Variants in PPP1R9B observed in about 807,000 individuals in gnomAD.
PPP1R9B encodes neurabin-2.
Under a neutral mutation model 75.8 loss-of-function variants are expected in PPP1R9B, and 17 were observed. That is an observed-to-expected ratio of 0.22 (90% CI 0.15 to 0.34). The LOEUF (loss-of-function observed/expected upper bound fraction) is 0.34. Ranked by LOEUF, PPP1R9B falls within the 10% of genes least tolerant of loss-of-function variation. The probability of loss-of-function intolerance (pLI) is 1.00; values close to 1 mark genes in which losing one functional copy is unlikely to be tolerated. For missense variants in PPP1R9B, 875 were observed against 1,196.0 expected (o/e 0.73, Z 3.96); for synonymous variants, 509 against 535.4 (o/e 0.95, Z 0.68).
rs935177873 is a variant in PPP1R9B at position 50,133,758 on chromosome 17, G to A, written c.*1573C>T. On this transcript the variant is annotated 3_prime_UTR_variant, in exon 10 of 10. Coordinates refer to ENST00000612501, the MANE Select transcript of PPP1R9B (RefSeq NM_032595.5). ...AGGCTCTGGGGGCTGCTTTTATGGG[G>A]ACGACCTGACAGAGGGCATGGTCCG... 1 of 152,270 alleles carries A rather than the reference G, an allele frequency of 6.6e-6. No homozygotes were observed. Among genetic ancestry groups the A allele is most frequent in the Non-Finnish European group, 1.5e-5 (1 of 68,110 alleles). The allele number at this position is 152,270 out of a possible 1,614,324, so 9.4% of individuals were successfully genotyped here.
chr17:50,144,238 G>C (rs760092113), intron 2 of PPP1R9B, among the ~76,000 whole-genome samples: 51 of 152,128 alleles, frequency 3.4e-4, no homozygotes, highest in Admixed American at 7.8e-4. Flanking sequence ...CCTCATGGGG[G>C]ATGGTACCAC....
intron 2 of PPP1R9B, 33 bp downstream of exon 2, chr17:50,145,080 G>A (rs771891256): frequency 6.2e-7 from 1 of 1,611,020 alleles, no homozygotes. Flanking sequence ...AACCCCAGCT[G>A]TGCGCAAGTG....
chr17:50,142,067 A>G lies in PPP1R9B; in HGVS notation c.1626-694T>C, dbSNP rs1372409896. Among the ~76,000 whole-genome samples, 1 of 152,038 alleles carries G rather than the reference A, an allele frequency of 6.6e-6. No individual in the cohort carries two copies. Among genetic ancestry groups the G allele is most frequent in the Admixed American group, 6.6e-5 (1 of 15,254 alleles). ...ACAGATGTCCTCCCAAGTCCCCAAG[A>G]CCGAATGGCACTCTCTCGAGTTCAC... is the stretch of plus-strand genomic sequence containing the variant. On this transcript the variant is annotated intron_variant, in intron 3 of 9. Transcript: ENST00000612501. The surrounding 1 kb of genome is among the most constrained non-coding windows in gnomAD (Gnocchi z 4.1).
rs1912302181 is a variant in PPP1R9B at position 50,139,073 on chromosome 17, G to C, written c.2073+190C>G. Among the ~76,000 whole-genome samples the C allele has an allele frequency of 6.6e-6, 1 of 152,244 alleles. No individual in the cohort carries two copies. The highest frequency in any genetic ancestry group is 2.4e-5 in the African/African-American group (1 of 41,466). On this transcript the variant is annotated intron_variant, in intron 7 of 9. Coordinates refer to ENST00000612501, the MANE Select transcript of PPP1R9B (RefSeq NM_032595.5). This position sits in a 1 kb window ranked among gnomAD's most constrained non-coding sequence, Gnocchi z 5.0. ...GAGGCTGAGGCACAGAGAAGCAAGTGATGCTGGAGCAGATGGATCCAGAGC... is the reference window on the plus strand; with the variant it reads ...GAGGCTGAGGCACAGAGAAGCAAGTCATGCTGGAGCAGATGGATCCAGAGC...
At position 50,135,379 on chromosome 17, in the gene PPP1R9B, T is replaced by G; in HGVS notation, c.2406A>C (p.Ser802=). The G allele has an allele frequency of 1.2e-6, 2 of 1,613,470 alleles. No homozygotes were observed. The highest frequency in any genetic ancestry group is 1.1e-5 in the South Asian group (1 of 91,080). ...GTGTTTGCAAGTTTCCTTCCAGTTC[T>G]GAGATCTGGAAAACAAAGGAGGGTA... The part of the protein sequence containing the change: ...EEMDKLLDKI[S]ELEGNLQTLR... The change falls in exon 10 of 10, where the codon TCA becomes TCC. Residue 802 remains serine (S), a synonymous_variant. Coordinates refer to ENST00000612501, the MANE Select transcript of PPP1R9B (RefSeq NM_032595.5).
chr17:50,136,268 C>T, intron 7 of PPP1R9B, 71 bp from the exon 8 acceptor site: 2 of 1,338,208 alleles, frequency 1.5e-6, no homozygotes, highest in South Asian at 1.3e-5. Context: ...CATCCTAGCA[C>T]TGGGGCCAGA....
rs1832219152 is a variant in PPP1R9B at position 50,142,347 on chromosome 17, G to T, written c.1626-974C>A. Among the ~76,000 whole-genome samples, 1 of 152,152 alleles carries T rather than the reference G, an allele frequency of 6.6e-6. No individual in the cohort carries two copies. Among genetic ancestry groups the T allele is most frequent in the Admixed American group, 6.5e-5 (1 of 15,278 alleles). On this transcript the variant is annotated intron_variant, in intron 3 of 9. Transcript: ENST00000612501. This position sits in a 1 kb window ranked among gnomAD's most constrained non-coding sequence, Gnocchi z 4.1. The stretch of plus-strand genomic sequence containing the variant: ...CTCACCCCAACACATGCCACTCCCA[G>T]GTGGGCATGAGTGAGTGGCCACGGC...
intron 3 of PPP1R9B, 117 bp from the exon 4 acceptor site, chr17:50,141,490 C>T (rs1912377081): frequency 5.0e-6 from 3 of 595,536 alleles, no homozygotes; most frequent in Non-Finnish European, 8.6e-6. Context: ...GAGAACTCAT[C>T]TCTACAAACA....
At chr17:50,143,509 G>C in intron 3 of PPP1R9B, 89 bp downstream of exon 3, 1 of 1,480,936 alleles carries the variant, frequency 6.8e-7, no homozygotes. Context: ...GGGAAGGCCC[G>C]CCCCACCCCC....
Position 50,145,315 on chromosome 17 carries a change from A to G in PPP1R9B, c.1372-70T>C, listed in dbSNP as rs530031265. 3.9e-5 allele frequency: 63 copies of G among 1,597,618 alleles called. No individual in the cohort carries two copies. In the East Asian group the frequency reaches 1.3e-3, roughly 32 times the overall value. On this transcript the variant is annotated intron_variant, in intron 1 of 9. Transcript: ENST00000612501. ...GTGCAGAACTGGCATGAGGAGGCCGAGGAGGCAGGCTGAGTTACCCACCCC... is the reference window on the plus strand; with the variant it reads ...GTGCAGAACTGGCATGAGGAGGCCGGGGAGGCAGGCTGAGTTACCCACCCC...
Position 50,141,291 on chromosome 17 carries a change from G to T in PPP1R9B, c.1708C>A (p.Arg570=). ...CACCGCACTCGGCCCTTGGTGTTCC[G>T]GAGCACAGACGCCGCGAAGCTCTGG... is the stretch of plus-strand genomic sequence containing the variant. The part of the protein sequence containing the change: ...VTQSFAASVL[R]NTKGRVRFMI... Residue 570 remains arginine (R), a synonymous_variant, in exon 4 of 10, where the codon CGG becomes AGG. Coordinates refer to ENST00000612501, the MANE Select transcript of PPP1R9B (RefSeq NM_032595.5). 1 of 1,586,954 alleles carries T rather than the reference G, an allele frequency of 6.3e-7. No individual in the cohort carries two copies. The highest frequency in any genetic ancestry group is 8.6e-7 in the Non-Finnish European group (1 of 1,167,592).
chr17:50,141,725 C>A (rs191580381), intron 3 of PPP1R9B, among the ~76,000 whole-genome samples: 3 of 151,774 alleles, frequency 2.0e-5, no homozygotes, highest in African/African-American at 7.2e-5. Flanking sequence ...CTCACAGATA[C>A]TTTGTCCTCA....
chr17:50,149,717 G>C lies in PPP1R9B; in HGVS notation c.797C>G (p.Pro266Arg). The part of the protein sequence containing the change: ...PPPPAPSGDA[P>R]AEKERCPAGQ... Reference sequence around the variant, plus strand: ...TGCGGGGCATCGCTCTTTCTCGGCCGGGGCATCCCCCGACGGGGCGGGCGG... The same window carrying C: ...TGCGGGGCATCGCTCTTTCTCGGCCCGGGCATCCCCCGACGGGGCGGGCGG... The change falls in exon 1 of 10, where the codon CCG becomes CGG. Residue 266 changes from proline to arginine, a missense_variant. Coordinates refer to ENST00000612501, the MANE Select transcript of PPP1R9B (RefSeq NM_032595.5). This position sits in a 1 kb window ranked among gnomAD's most constrained non-coding sequence, Gnocchi z 7.2. 2 of 1,411,326 alleles carry C rather than the reference G, an allele frequency of 1.4e-6. No homozygotes were observed. The highest frequency in any genetic ancestry group is 9.2e-7 in the Non-Finnish European group (1 of 1,091,432). The allele number at this position is 1,411,326 out of a possible 1,614,324, so 87.4% of individuals were successfully genotyped here. A position where few individuals can be genotyped will look rare whatever the true frequency, so the allele number is the denominator to read the frequency against.
intron 1 of PPP1R9B, among the ~76,000 whole-genome samples, chr17:50,146,464 A>G (rs1435838506): frequency 6.6e-6 from 1 of 152,124 alleles, no homozygotes; most frequent in Non-Finnish European, 1.5e-5. Context: ...CGTCTCCTCC[A>G]GGAGCAGACC....
Position 50,149,175 on chromosome 17 carries a change from G to A in PPP1R9B, c.1339C>T (p.Arg447Trp). 2 of 1,547,580 alleles carry A rather than the reference G, an allele frequency of 1.3e-6. No homozygotes were observed. Among genetic ancestry groups the A allele is most frequent in the Non-Finnish European group, 8.7e-7 (1 of 1,146,136 alleles). Residue 447 changes from arginine to tryptophan, a missense_variant, in exon 1 of 10, where the codon CGG becomes TGG. By Grantham distance (101) the Arg-to-Trp change is moderately radical. Transcript: ENST00000612501. This position sits in a 1 kb window ranked among gnomAD's most constrained non-coding sequence, Gnocchi z 7.2. ...GGCGCCGTGCTGAAATGGATCTTCC[G>A]GCTCGGGGCTGGGTCCTCCTCCTCC... ...LSEEEDPAPS[R>W]KIHFSTAPIQ...
rs1366175749 is a variant in PPP1R9B, at chr17:50,139,691, G to A, written c.1867-110C>T. On this transcript the variant is annotated intron_variant, in intron 5 of 9. Coordinates refer to ENST00000612501, the MANE Select transcript of PPP1R9B (RefSeq NM_032595.5). This position sits in a 1 kb window ranked among gnomAD's most constrained non-coding sequence, Gnocchi z 5.0. ...GCCAGACAGAGAGCTACCCAGGAATGTGGTTCATGCCTCCCACTTCAGCCT... is the reference window on the plus strand; with the variant it reads ...GCCAGACAGAGAGCTACCCAGGAATATGGTTCATGCCTCCCACTTCAGCCT... 48 of 1,277,454 alleles carry A rather than the reference G, an allele frequency of 3.8e-5. No homozygotes were observed. The highest frequency in any genetic ancestry group is 5.1e-5 in the Non-Finnish European group (48 of 932,846). 79.1% of individuals were successfully genotyped at this position (1,277,454 alleles called of 1,614,324 possible). A position where few individuals can be genotyped will look rare whatever the true frequency, so the allele number is the denominator to read the frequency against.
At chr17:50,147,840 G>C (rs1267172825) in intron 1 of PPP1R9B, among the ~76,000 whole-genome samples, 1 of 152,158 alleles carries the variant, frequency 6.6e-6, no homozygotes, top group Non-Finnish European at 1.5e-5. Flanking sequence ...TCTTGCTGGG[G>C]TGGGAGGTGG....
intron 1 of PPP1R9B, among the ~76,000 whole-genome samples, chr17:50,146,352 G>A (rs760993211): frequency 2.0e-5 from 3 of 152,268 alleles, no homozygotes; most frequent in East Asian, 1.9e-4. Context: ...GGAGCCAGGC[G>A]GGGGCGGGGA....
rs758722444 is a variant in PPP1R9B at position 50,139,284 on chromosome 17, C to T, written c.2052G>A (p.Glu684=). 2 of 1,613,954 alleles carry T rather than the reference C, an allele frequency of 1.2e-6. No individual in the cohort carries two copies. The highest frequency in any genetic ancestry group is 1.7e-5 in the Admixed American group (1 of 60,006). ...LQIKHAVTEA[E]IQQLKRKLQS... is the part of the protein sequence containing the mutation. ...TTACCTTTCTTTTCAGCTGCTGGAT[C>T]TCTGCCTCAGTGACCGCATGCTTGA... The change falls in exon 7 of 10, where the codon GAG becomes GAA. Residue 684 remains glutamate (E), a synonymous_variant. Transcript: ENST00000612501. The surrounding 1 kb of genome is among the most constrained non-coding windows in gnomAD (Gnocchi z 5.0).
Sources: gnomAD v4.1 joint callset for allele counts (sites outside exome capture counted in the v4.1 genomes callset) on GRCh38, gnomAD v4.1.1 for gene constraint, Gnocchi (gnomAD v3.1) non-coding constraint, MANE v1.5 for transcripts, NCBI Gene and HGNC (gene_info 2026-07-23, HGNC 2026-07-21) for gene names.